The following EIF2A variants were observed in gnomAD, a reference collection of about 807,000 sequenced individuals.
EIF2A encodes eukaryotic translation initiation factor 2A.
A neutral mutation model predicts 75.2 loss-of-function variants in EIF2A; 62 were observed. The observed-to-expected ratio is 0.82, with a 90% CI of 0.67 to 1.02. EIF2A has a LOEUF of 1.02. Ranked by LOEUF, EIF2A falls within the 50% of genes least tolerant of loss-of-function variation. The probability of loss-of-function intolerance (pLI) is 0.00; values close to 1 mark genes in which losing one functional copy is unlikely to be tolerated. For synonymous variants in EIF2A, 207 were observed against 239.0 expected, an observed-to-expected ratio of 0.87 and a Z score of 1.23; for missense variants, 611 against 677.7, an observed-to-expected ratio of 0.90 and a Z score of 1.09.
intron 9 of EIF2A, among the ~76,000 whole-genome samples, chr3:150,570,277 G>A (rs920099069): frequency 2.0e-5 from 3 of 152,110 alleles, no homozygotes; most frequent in Admixed American, 1.3e-4. Flanking sequence ...TGAACAAAAA[G>A]TTGGGGAAAA....
intron 11 of EIF2A, among the ~76,000 whole-genome samples, chr3:150,576,579 CTG>C (rs1051058165): frequency 2.0e-5 from 3 of 152,150 alleles, no homozygotes; most frequent in Admixed American, 6.5e-5. Flanking sequence ...ACAAAAGAAA[CTG>C]GACTTGACAT....
intron 4 of EIF2A, chr3:150,563,015 G>C: frequency 5.3e-6 from 1 of 189,890 alleles, no homozygotes; most frequent in Non-Finnish European, 1.1e-5. Context: ...TATGTGAAAG[G>C]AAGTACAGTA....
intron 2 of EIF2A, chr3:150,557,821 G>A (rs1195011510): frequency 4.0e-6 from 1 of 248,092 alleles, no homozygotes; most frequent in Non-Finnish European, 8.1e-6. Flanking sequence ...GATAGTGTAA[G>A]GGATGTATCA....
In EIF2A at chr3:150,572,019, A is replaced by G. The variant is rs758158284; in HGVS notation, c.873A>G (p.Val291=). 5.0e-6 allele frequency: 8 copies of G among 1,613,806 alleles called. No homozygotes were observed. The highest frequency in any genetic ancestry group is 2.7e-5 in the African/African-American group (2 of 74,892). Residue 291 remains valine, a synonymous_variant, in exon 10 of 14, where the codon GTA becomes GTG. Transcript: ENST00000460851. The part of the protein sequence containing the change: ...WNSSSTEFCA[V]YGFMPAKATI... The stretch of plus-strand genomic sequence containing the variant: ...CTAGTTCTACTGAGTTTTGTGCTGT[A>G]TATGGTTTTATGCCTGCCAAAGCGA...
rs1576590983 is a variant in EIF2A at position 150,558,423 on chromosome 3, G to T, written c.134G>T (p.Ser45Ile). 2 of 1,523,688 alleles carry T rather than the reference G, an allele frequency of 1.3e-6. No individual in the cohort carries two copies. Among genetic ancestry groups the T allele is most frequent in the African/African-American group, 1.4e-5 (1 of 69,324 alleles). The allele number at this position is 1,523,688 out of a possible 1,614,324, so 94.4% of individuals were successfully genotyped here. Residue 45 changes from serine (S) to isoleucine (I), a missense_variant, in exon 3 of 14, where the codon AGT (serine) becomes ATT (isoleucine). Physicochemically the swap from Ser to Ile is moderately radical, Grantham distance 142. Coordinates refer to ENST00000460851, the MANE Select transcript of EIF2A (RefSeq NM_032025.5). The stretch of plus-strand genomic sequence containing the variant: ...AAGAATTGCAAAGTCTGTATCTTTA[G>T]TAAGGATGGGACCTTGTTTGCCTGG... ...SGKNCKVCIF[S>I]KDGTLFAWGN...
chr3:150,574,706 G>A (rs56109170), intron 10 of EIF2A, among the ~76,000 whole-genome samples: 3,029 of 152,218 alleles, frequency 0.02, 38 homozygotes, highest in Non-Finnish European at 0.031. Context: ...GTCACTTTAT[G>A]GTTTCTTATT....
rs190253236 is a variant in EIF2A at position 150,567,790 on chromosome 3, G to A, written c.549+24G>A. 1.6e-3 allele frequency: 2,447 copies of A among 1,568,780 alleles called. 1 individual carries two copies. Among genetic ancestry groups the A allele is most frequent in the Non-Finnish European group, 2.0e-3 (2,336 of 1,157,488 alleles). On this transcript the variant is annotated intron_variant, in intron 7 of 13. Transcript: ENST00000460851. Reference sequence around the variant, plus strand: ...AGGTAATTGCTGTTTTTGTTTATGTGTAATATTATGTGTTTAAACCTTTTC... The same window carrying A: ...AGGTAATTGCTGTTTTTGTTTATGTATAATATTATGTGTTTAAACCTTTTC...
At chr3:150,581,772 A>G in intron 12 of EIF2A, 26 bp downstream of exon 12, 2 of 1,554,018 alleles carry the variant, frequency 1.3e-6, no homozygotes, top group African/African-American at 1.4e-5. Context: ...ACAGATGTGC[A>G]TATTGAAAGG....
intron 3 of EIF2A, among the ~76,000 whole-genome samples, chr3:150,560,658 C>A (rs1723799017): frequency 6.6e-6 from 1 of 151,060 alleles, no homozygotes; most frequent in Non-Finnish European, 1.5e-5. Context: ...CAGTTATCTT[C>A]CTCAAACCTG....
chr3:150,559,395 G>C (rs956410542), intron 3 of EIF2A, among the ~76,000 whole-genome samples: 7 of 150,582 alleles, frequency 4.6e-5, no homozygotes, highest in African/African-American at 1.7e-4. Flanking sequence ...ACAGGGTCTT[G>C]TTATGTTGAT....
chr3:150,572,120 A>G lies in EIF2A; in HGVS notation c.974A>G (p.His325Arg). The G allele has an allele frequency of 6.2e-7, 1 of 1,613,976 alleles. No homozygotes were observed. Among genetic ancestry groups the G allele is most frequent in the Non-Finnish European group, 8.5e-7 (1 of 1,179,898 alleles). ...CGTAATGCAGCCTACTATAGCCCTC[A>G]TGGACATATATTAGTATTAGCTGGA... is the stretch of plus-strand genomic sequence containing the variant. ...GPRNAAYYSP[H>R]GHILVLAGFG... Residue 325 changes from histidine to arginine, a missense_variant, in exon 10 of 14, where the codon CAT becomes CGT. Coordinates refer to ENST00000460851, the MANE Select transcript of EIF2A (RefSeq NM_032025.5).
chr3:150,574,979 T>G (rs9863120), intron 10 of EIF2A, among the ~76,000 whole-genome samples: 1 of 152,034 alleles, frequency 6.6e-6, no homozygotes, highest in Non-Finnish European at 1.5e-5. Flanking sequence ...TGGAGATACA[T>G]TGAATCTATA....
chr3:150,556,621 T>TAAAC (rs10693988), intron 2 of EIF2A, among the ~76,000 whole-genome samples: 124,354 of 151,808 alleles, frequency 0.82, 51,512 homozygotes, highest in East Asian at 0.91. Context: ...GGGGAATAGA[T>TAAAC]AAAATTGGCT....
intron 2 of EIF2A, 27 bp from the exon 3 acceptor site, chr3:150,558,361 T>TAAA (rs1374986644): frequency 7.0e-7 from 1 of 1,431,184 alleles, no homozygotes; most frequent in East Asian, 2.6e-5. Context: ...CTTATTCATT[T>TAAA]AAACCTTTTT....
chr3:150,562,281 G>C lies in EIF2A; in HGVS notation c.174-261G>C, dbSNP rs376017545. Among the ~76,000 whole-genome samples, 667 of 151,952 alleles carry C rather than the reference G, an allele frequency of 4.4e-3. 4 individuals carry two copies. The highest frequency in any genetic ancestry group is 0.015 in the African/African-American group (642 of 41,462). On this transcript the variant is annotated intron_variant, in intron 3 of 13. Coordinates refer to ENST00000460851, the MANE Select transcript of EIF2A (RefSeq NM_032025.5). ...ACTAAAAATACAAAAAATTAGCCGG[G>C]CGTGGTGGCGGGCACCTGTAGTCCC...
In EIF2A at chr3:150,572,026, T is replaced by G. The variant is rs1278116400; in HGVS notation, c.880T>G (p.Phe294Val). The G allele has an allele frequency of 6.2e-7, 1 of 1,613,996 alleles. No individual in the cohort carries two copies. Among genetic ancestry groups the G allele is most frequent in the East Asian group, 2.2e-5 (1 of 44,880 alleles). ...SSTEFCAVYG[F>V]MPAKATIFNL... is the part of the protein sequence containing the mutation. ...TACTGAGTTTTGTGCTGTATATGGT[T>G]TTATGCCTGCCAAAGCGACAATTTT... The change falls in exon 10 of 14, where the codon TTT becomes GTT. Residue 294 changes from phenylalanine (F) to valine (V), a missense_variant. Physicochemically the swap from Phe to Val is conservative, Grantham distance 50. Coordinates refer to ENST00000460851, the MANE Select transcript of EIF2A (RefSeq NM_032025.5).
chr3:150,578,886 T>C (rs1559886217), intron 11 of EIF2A, among the ~76,000 whole-genome samples: 1 of 152,196 alleles, frequency 6.6e-6, no homozygotes, highest in Non-Finnish European at 1.5e-5. Context: ...GTAATCTAAC[T>C]AGTATTTTTG....
In EIF2A at chr3:150,563,500, G is replaced by T. The variant is rs1191083453; in HGVS notation, c.293-15G>T. 2 of 1,537,740 alleles carry T rather than the reference G, an allele frequency of 1.3e-6. No individual in the cohort carries two copies. The highest frequency in any genetic ancestry group is 2.5e-5 in the South Asian group (2 of 80,724). On this transcript the variant is annotated splice_polypyrimidine_tract_variant and intron_variant, in intron 4 of 13. Coordinates refer to ENST00000460851, the MANE Select transcript of EIF2A (RefSeq NM_032025.5). ...GTTACAAGGCAATTACTGAAAAAAA[G>T]AAATTTTATTGCAGCTTCTAAAGAT...
intron 11 of EIF2A, among the ~76,000 whole-genome samples, chr3:150,577,503 A>G (rs1031724634): frequency 1.3e-5 from 2 of 151,872 alleles, no homozygotes; most frequent in Non-Finnish European, 2.9e-5. Flanking sequence ...ACCATTCCCA[A>G]CTAATTTTTT....
Sources: allele counts gnomAD v4.1 joint callset (sites outside exome capture counted in the v4.1 genomes callset), GRCh38; gene constraint gnomAD v4.1.1; transcripts MANE v1.5; gene names NCBI Gene and HGNC (gene_info 2026-07-23, HGNC 2026-07-21).